Variants in CAMKMT observed in about 807,000 individuals in gnomAD.
CAMKMT encodes CaM KMT.
CAMKMT carries 53 observed loss-of-function variants against 48.0 expected under a neutral mutation model. That is an observed-to-expected ratio of 1.10 (90% CI 0.89 to 1.39). CAMKMT has a LOEUF of 1.39. CAMKMT is among the 40% of genes most tolerant of loss of function. The probability of loss-of-function intolerance (pLI) is 0.00; values close to 1 mark genes in which losing one functional copy is unlikely to be tolerated. For missense variants in CAMKMT, 428 were observed against 402.7 expected, an observed-to-expected ratio of 1.06 and a Z score of -0.54; for synonymous variants, 165 against 152.3, an observed-to-expected ratio of 1.08 and a Z score of -0.61.
intron 3 of CAMKMT, among the ~76,000 whole-genome samples, chr2:44,509,939 A>G (rs1489405258): frequency 1.3e-5 from 2 of 152,116 alleles, no homozygotes; most frequent in South Asian, 4.1e-4. Flanking sequence ...ATCAGAATAA[A>G]CCTTTTTTCT....
chr2:44,372,570 T>C, intron 1 of CAMKMT, 146 bp from the exon 2 acceptor site: 2 of 593,936 alleles, frequency 3.4e-6, no homozygotes, highest in Non-Finnish European at 5.8e-6. Flanking sequence ...TTTATAGTTA[T>C]CTTCAGTAGG....
intron 3 of CAMKMT, among the ~76,000 whole-genome samples, chr2:44,672,013 C>A (rs953538934): frequency 3.3e-5 from 5 of 152,060 alleles, no homozygotes; most frequent in African/African-American, 1.2e-4. Flanking sequence ...GAAAATCATG[C>A]CAAAATTGCT....
intron 3 of CAMKMT, among the ~76,000 whole-genome samples, chr2:44,632,476 G>A (rs1672891111): frequency 6.6e-6 from 1 of 152,172 alleles, no homozygotes; most frequent in South Asian, 2.1e-4. Context: ...AGATAGTAAA[G>A]TTGTGACAAC....
At chr2:44,433,551 G>A (rs1684774590) in intron 3 of CAMKMT, among the ~76,000 whole-genome samples, 1 of 151,982 alleles carries the variant, frequency 6.6e-6, no homozygotes, top group African/African-American at 2.4e-5. Flanking sequence ...AACACTTTTT[G>A]CTTAGTCTAA....
At chr2:44,526,302 C>G (rs1232773182) in intron 3 of CAMKMT, among the ~76,000 whole-genome samples, 1 of 152,088 alleles carries the variant, frequency 6.6e-6, no homozygotes, top group African/African-American at 2.4e-5. Context: ...CTAGTAATTT[C>G]CTATTTTTAT....
At chr2:44,606,098 G>C (rs1482352962) in intron 3 of CAMKMT, among the ~76,000 whole-genome samples, 1 of 152,122 alleles carries the variant, frequency 6.6e-6, no homozygotes, top group East Asian at 1.9e-4. Flanking sequence ...TGTGTTTTGT[G>C]AGTGTTTGTG....
chr2:44,433,038 C>T (rs896400769), intron 3 of CAMKMT, among the ~76,000 whole-genome samples: 3 of 152,164 alleles, frequency 2.0e-5, no homozygotes, highest in African/African-American at 4.8e-5. Flanking sequence ...CTTATATTCT[C>T]TCTCAAATGT....
At position 44,555,159 on chromosome 2, in the gene CAMKMT, TTTACA is replaced by T. The variant is rs370603111; in HGVS notation, c.377-149120_377-149116del. Reference sequence around the variant, plus strand: ...GTCGTGTCTGAAAACATGGCAATAATTTACATTATTCATTCAGGTTCATATTTTTA... The same window carrying T: ...GTCGTGTCTGAAAACATGGCAATAATTTATTCATTCAGGTTCATATTTTTA... On this transcript the variant is annotated intron_variant, in intron 3 of 10. Coordinates refer to ENST00000378494, the MANE Select transcript of CAMKMT (RefSeq NM_024766.5). Among the ~76,000 whole-genome samples, 69 of 152,260 alleles carry T rather than the reference TTTACA, an allele frequency of 4.5e-4. No individual in the cohort carries two copies. The East Asian group carries it at 0.012, about 27-fold the overall frequency.
chr2:44,563,140 T>G (rs1279591165), intron 3 of CAMKMT, among the ~76,000 whole-genome samples: 2 of 146,500 alleles, frequency 1.4e-5, no homozygotes, highest in Non-Finnish European at 3.1e-5. Context: ...TTGAATTAAT[T>G]TTTAAATTAT....
intron 3 of CAMKMT, among the ~76,000 whole-genome samples, chr2:44,533,189 C>CT (rs1411532140): frequency 1.3e-5 from 2 of 151,660 alleles, no homozygotes; most frequent in Admixed American, 1.3e-4. Flanking sequence ...ATAACTGCAT[C>CT]TTTTTTCTGA....
intron 3 of CAMKMT, among the ~76,000 whole-genome samples, chr2:44,481,797 T>C (rs1351919951): frequency 6.6e-6 from 1 of 152,084 alleles, no homozygotes; most frequent in Non-Finnish European, 1.5e-5. Flanking sequence ...AGAAATTGAA[T>C]GTATGCTGGT....
At chr2:44,621,204 T>C (rs1233748002) in intron 3 of CAMKMT, among the ~76,000 whole-genome samples, 1 of 142,022 alleles carries the variant, frequency 7.0e-6, no homozygotes, top group Non-Finnish European at 1.5e-5. Flanking sequence ...GAGGCGGAGC[T>C]TGCAGTGAGA....
chr2:44,482,440 G>T (rs987926160), intron 3 of CAMKMT, among the ~76,000 whole-genome samples: 55 of 152,092 alleles, frequency 3.6e-4, no homozygotes, highest in Admixed American at 1.8e-3. Context: ...TGCTATTTTA[G>T]AGTCTTGCTT....
chr2:44,368,115 G>C (rs1678801714), intron 1 of CAMKMT, among the ~76,000 whole-genome samples: 1 of 152,070 alleles, frequency 6.6e-6, no homozygotes. Context: ...CTTTTGACAT[G>C]AACTTATTTG....
Position 44,723,625 on chromosome 2 carries a change from TAAATAAA to T in CAMKMT, c.623+8273_623+8279del, listed in dbSNP as rs1159448718. The T allele has an allele frequency of 1.2e-4, 18 of 146,720 alleles. No homozygotes were observed. The South Asian group carries it at 1.3e-3, about 10-fold the overall frequency. 9.1% of individuals were successfully genotyped at this position (146,720 alleles called of 1,614,324 possible). A position where few individuals can be genotyped will look rare whatever the true frequency, so the allele number is the denominator to read the frequency against. ...ATACATACATAAATAAATAAATAAATAAATAAATAAATAAATAAATAAATAAATAAAA... is the reference window on the plus strand; with the variant it reads ...ATACATACATAAATAAATAAATAAATTAAATAAATAAATAAATAAATAAAA... On this transcript the variant is annotated intron_variant, in intron 7 of 10. Coordinates refer to ENST00000378494, the MANE Select transcript of CAMKMT (RefSeq NM_024766.5).
intron 4 of CAMKMT, 147 bp from the exon 5 acceptor site, chr2:44,706,140 G>A (rs924849247): frequency 4.7e-6 from 3 of 635,408 alleles, no homozygotes; most frequent in African/African-American, 1.8e-5. Flanking sequence ...AACGCAAAAC[G>A]ACATGAGGTA....
intron 3 of CAMKMT, among the ~76,000 whole-genome samples, chr2:44,509,268 T>C (rs1670417347): frequency 6.6e-6 from 1 of 152,170 alleles, no homozygotes; most frequent in African/African-American, 2.4e-5. Flanking sequence ...TTTTTAACTT[T>C]TAGTTATTTT....
At chr2:44,535,688 C>A (rs372869937) in intron 3 of CAMKMT, among the ~76,000 whole-genome samples, 1 of 152,108 alleles carries the variant, frequency 6.6e-6, no homozygotes, top group Non-Finnish European at 1.5e-5. Flanking sequence ...AAATTCAGCA[C>A]CCATTCATAA....
At chr2:44,579,179 T>G (rs1306386993) in intron 3 of CAMKMT, among the ~76,000 whole-genome samples, 1 of 152,176 alleles carries the variant, frequency 6.6e-6, no homozygotes, top group Non-Finnish European at 1.5e-5. Context: ...CTGGTCAGAT[T>G]AGGGCAGAAG....
Sources: allele counts gnomAD v4.1 joint callset (sites outside exome capture counted in the v4.1 genomes callset), GRCh38; gene constraint gnomAD v4.1.1; transcripts MANE v1.5; gene names NCBI Gene and HGNC (gene_info 2026-07-23, HGNC 2026-07-21).